PLXDC2: variants seen among roughly 807,000 people sequenced by gnomAD.
PLXDC2 encodes the protein plexin domain-containing protein 2.
In PLXDC2, 40 loss-of-function variants were observed where a neutral mutation model predicts 68.9. That is an observed-to-expected ratio of 0.58 (90% confidence interval 0.45 to 0.76). The LOEUF (loss-of-function observed/expected upper bound fraction) is 0.76, where lower values mean the gene tolerates loss of function less well. PLXDC2 is among the 30% of genes least tolerant of loss of function. The pLI is 0.00. For synonymous variants in PLXDC2, 243 were observed against 234.2 expected, an observed-to-expected ratio of 1.04 and a Z score of -0.34; for missense variants, 644 against 661.9, an observed-to-expected ratio of 0.97 and a Z score of 0.30.
At chr10:20,127,691 A>C (rs1833811277) in intron 4 of PLXDC2, among the ~76,000 whole-genome samples, 2 of 152,144 alleles carry the variant, frequency 1.3e-5, no homozygotes, top group African/African-American at 2.4e-5. Flanking sequence ...TTAAGTCCTT[A>C]GAAAAGAAAG....
At chr10:19,933,661 A>C (rs1286492775) in intron 1 of PLXDC2, among the ~76,000 whole-genome samples, 1 of 151,552 alleles carries the variant, frequency 6.6e-6, no homozygotes, top group Non-Finnish European at 1.5e-5. Flanking sequence ...CAACAAACAA[A>C]ACACACACAA....
chr10:20,187,551 T>C (rs1398193681), intron 9 of PLXDC2, among the ~76,000 whole-genome samples: 1 of 151,824 alleles, frequency 6.6e-6, no homozygotes, highest in Non-Finnish European at 1.5e-5. Context: ...TAATTACAGT[T>C]ATTGACATAA....
intron 3 of PLXDC2, among the ~76,000 whole-genome samples, chr10:20,052,494 T>C (rs1835920578): frequency 6.6e-6 from 1 of 151,984 alleles, no homozygotes; most frequent in Non-Finnish European, 1.5e-5. Flanking sequence ...ATACTTCATA[T>C]TACTGAGGTG....
chr10:20,071,912 G>C (rs763040390), intron 4 of PLXDC2, among the ~76,000 whole-genome samples: 14 of 152,180 alleles, frequency 9.2e-5, no homozygotes, highest in Non-Finnish European at 1.5e-4. Flanking sequence ...TCCAGACAAG[G>C]GGATGCTGAG....
intron 4 of PLXDC2, among the ~76,000 whole-genome samples, chr10:20,094,465 T>C (rs759961397): frequency 6.6e-6 from 1 of 152,200 alleles, no homozygotes. Context: ...CTCTCTGGAA[T>C]TGTGCTCTCG....
intron 4 of PLXDC2, among the ~76,000 whole-genome samples, chr10:20,137,720 A>T (rs954329294): frequency 1.3e-5 from 2 of 152,234 alleles, no homozygotes; most frequent in Non-Finnish European, 2.9e-5. Flanking sequence ...TCATTCTTCA[A>T]TGTTGATGAG....
intron 2 of PLXDC2, among the ~76,000 whole-genome samples, chr10:20,028,692 A>G (rs546758937): frequency 6.6e-6 from 1 of 152,218 alleles, no homozygotes; most frequent in South Asian, 2.1e-4. Flanking sequence ...GATTTTTTAC[A>G]GCCTTTCTCA....
At chr10:20,012,589 G>C (rs1216253961) in intron 2 of PLXDC2, among the ~76,000 whole-genome samples, 1 of 151,736 alleles carries the variant, frequency 6.6e-6, no homozygotes, top group Admixed American at 6.6e-5. Context: ...GCCTCCCAAA[G>C]TGCTGGGATT....
At chr10:19,877,223 A>C (rs1199435957) in intron 1 of PLXDC2, among the ~76,000 whole-genome samples, 1 of 151,948 alleles carries the variant, frequency 6.6e-6, no homozygotes, top group Non-Finnish European at 1.5e-5. Flanking sequence ...GAAGGGAGAT[A>C]GAATGAGAAA....
intron 3 of PLXDC2, among the ~76,000 whole-genome samples, chr10:20,062,022 A>G (rs1282580310): frequency 6.6e-6 from 1 of 152,230 alleles, no homozygotes; most frequent in Non-Finnish European, 1.5e-5. Context: ...GTTATACTTC[A>G]TTGACTCAGT....
intron 9 of PLXDC2, among the ~76,000 whole-genome samples, chr10:20,209,677 G>C (rs1346841031): frequency 6.6e-6 from 1 of 152,104 alleles, no homozygotes; most frequent in African/African-American, 2.4e-5. Flanking sequence ...CTGTTATCCT[G>C]TTCTTTTCTC....
chr10:20,035,609 T>A (rs1253992508), intron 2 of PLXDC2, among the ~76,000 whole-genome samples: 1 of 152,016 alleles, frequency 6.6e-6, no homozygotes, highest in East Asian at 1.9e-4. Flanking sequence ...AGGAGGAGAA[T>A]CGTTTGAACC....
At chr10:20,064,224 CTTTT>C (rs368874136) in intron 3 of PLXDC2, among the ~76,000 whole-genome samples, 1 of 138,734 alleles carries the variant, frequency 7.2e-6, no homozygotes, top group African/African-American at 2.7e-5. Context: ...CATTTCTTTT[CTTTT>C]TTTTTTTTTT....
chr10:20,018,299 A>G (rs145425282), intron 2 of PLXDC2, among the ~76,000 whole-genome samples: 22 of 148,442 alleles, frequency 1.5e-4, no homozygotes, highest in African/African-American at 5.2e-4. Context: ...TTTTCCCCAT[A>G]CTATGTTGAG....
chr10:20,181,480 G>T (rs1416174660), intron 9 of PLXDC2, among the ~76,000 whole-genome samples: 2 of 152,026 alleles, frequency 1.3e-5, no homozygotes, highest in African/African-American at 4.8e-5. Flanking sequence ...ATTTGAAAGA[G>T]CCAGTAGTTG....
rs1836098787 is a variant in PLXDC2 at position 20,282,800 on chromosome 10, C to T, written c.*2981C>T. ...TTTGGACTTCAAGATATACTAACAC[C>T]TAGAAAACTAAAAGTGCAATTGACC... is the stretch of plus-strand genomic sequence containing the variant. On this transcript the variant is annotated 3_prime_UTR_variant, in exon 14 of 14. Transcript: ENST00000377252. 1 of 152,084 alleles carries T rather than the reference C, an allele frequency of 6.6e-6. No homozygotes were observed. Among genetic ancestry groups the T allele is most frequent in the African/African-American group, 2.4e-5 (1 of 41,418 alleles). The allele number at this position is 152,084 out of a possible 1,614,324, so 9.4% of individuals were successfully genotyped here.
chr10:19,910,005 A>C lies in PLXDC2; in HGVS notation c.113-91770A>C, dbSNP rs563724347. 5.1e-4 allele frequency among the ~76,000 whole-genome samples: 77 copies of C among 152,190 alleles called. 2 individuals are homozygous for C. In the South Asian group the frequency reaches 0.014, roughly 28 times the overall value. On this transcript the variant is annotated intron_variant, in intron 1 of 13. Transcript: ENST00000377252. Reference sequence around the variant, plus strand: ...TTTAGTTCAGAACATAAAATCAAAAATCCGTGTTTTGCCTGTGTTAATCTT... The same window carrying C: ...TTTAGTTCAGAACATAAAATCAAAACTCCGTGTTTTGCCTGTGTTAATCTT...
intron 1 of PLXDC2, among the ~76,000 whole-genome samples, chr10:19,854,854 G>T (rs561565437): frequency 1.3e-5 from 2 of 152,284 alleles, no homozygotes; most frequent in Non-Finnish European, 2.9e-5. Flanking sequence ...CTGTGAGCCT[G>T]GCCACCATTT....
intron 9 of PLXDC2, among the ~76,000 whole-genome samples, chr10:20,209,420 A>G (rs1835037431): frequency 6.6e-6 from 1 of 151,982 alleles, no homozygotes; most frequent in Admixed American, 6.6e-5. Context: ...TAGCATTAGG[A>G]GATATACCTA....
Sources: allele counts gnomAD v4.1 joint callset (sites outside exome capture counted in the v4.1 genomes callset), GRCh38; gene constraint gnomAD v4.1.1; transcripts MANE v1.5; gene names NCBI Gene and HGNC (gene_info 2026-07-23, HGNC 2026-07-21).